SFMBT2: variants seen among roughly 807,000 people sequenced by gnomAD.
SFMBT2 encodes the protein scm-like with four MBT domains protein 2.
SFMBT2 carries 38 observed loss-of-function variants against 110.1 expected under a neutral mutation model. That is an observed-to-expected ratio of 0.35 (90% CI 0.27 to 0.45). The LOEUF (loss-of-function observed/expected upper bound fraction) is 0.45. SFMBT2 is among the 20% of genes least tolerant of loss of function. The pLI is 1.00. For missense variants in SFMBT2, 1,011 were observed against 1,094.9 expected (o/e 0.92, Z 1.08); for synonymous variants, 425 against 425.4 (o/e 1.00, Z 0.01).
At chr10:7,383,837 G>C (rs1255262525) in intron 1 of SFMBT2, among the ~76,000 whole-genome samples, 2 of 152,098 alleles carry the variant, frequency 1.3e-5, no homozygotes, top group African/African-American at 2.4e-5. Flanking sequence ...CTTAAACCAG[G>C]ACTTTCCTGA....
At chr10:7,252,641 A>G (rs962246069) in intron 7 of SFMBT2, among the ~76,000 whole-genome samples, 1 of 152,236 alleles carries the variant, frequency 6.6e-6, no homozygotes, top group Non-Finnish European at 1.5e-5. Flanking sequence ...TAAACAGTTT[A>G]AGAATAATGC....
At chr10:7,248,751 C>A (rs1367633004) in intron 7 of SFMBT2, 102 bp from the exon 8 acceptor site, 2 of 902,532 alleles carry the variant, frequency 2.2e-6, no homozygotes, top group Non-Finnish European at 3.4e-6. Flanking sequence ...CAACCAAAAT[C>A]TTATGGAGAC....
chr10:7,261,813 C>A (rs373619626), intron 7 of SFMBT2, among the ~76,000 whole-genome samples: 2 of 152,160 alleles, frequency 1.3e-5, no homozygotes, highest in South Asian at 4.1e-4. Context: ...ATGGCACTGG[C>A]GACAAAACTG....
chr10:7,377,287 C>A (rs983573729), intron 2 of SFMBT2, among the ~76,000 whole-genome samples: 2 of 151,638 alleles, frequency 1.3e-5, no homozygotes, highest in African/African-American at 4.8e-5. Context: ...TAGTCACTTG[C>A]GAGGGAGACA....
chr10:7,231,704 G>A lies in SFMBT2; in HGVS notation c.1121-3767C>T, dbSNP rs543242034. 2.5e-3 allele frequency among the ~76,000 whole-genome samples: 70 copies of A among 28,458 alleles called. 1 individual carries two copies. The highest frequency in any genetic ancestry group is 4.2e-3 in the East Asian group (4 of 946). 18.7% of individuals were successfully genotyped at this position (28,458 alleles called of 152,430 possible). On this transcript the variant is annotated intron_variant, in intron 9 of 20. Coordinates refer to ENST00000397167, the MANE Select transcript of SFMBT2 (RefSeq NM_001387889.1). ...GTTGTAAGCAACAGTTAATTATTCC[G>A]TCCCTAGAACAATGTTGCTCATTTC...
chr10:7,241,846 A>G (rs1172501628), intron 9 of SFMBT2, among the ~76,000 whole-genome samples: 1 of 152,216 alleles, frequency 6.6e-6, no homozygotes, highest in Non-Finnish European at 1.5e-5. Flanking sequence ...TGGAGTGATC[A>G]AGCAGCCAAA....
rs939467370 is a variant in SFMBT2 at position 7,159,006 on chromosome 10, T to C, written c.*4764A>G. The stretch of plus-strand genomic sequence containing the variant: ...AGCAAGTGAGATGATTATCTTTTTC[T>C]GTCATTTAAAAAAATTTGCCTCAAA... On this transcript the variant is annotated 3_prime_UTR_variant, in exon 21 of 21. Transcript: ENST00000397167. The C allele has an allele frequency of 6.6e-6, 1 of 152,212 alleles. No homozygotes were observed. The highest frequency in any genetic ancestry group is 2.4e-5 in the African/African-American group (1 of 41,440). 9.4% of individuals were successfully genotyped at this position (152,212 alleles called of 1,614,324 possible). A position where few individuals can be genotyped will look rare whatever the true frequency, so the allele number is the denominator to read the frequency against.
chr10:7,214,567 T>C, intron 11 of SFMBT2: 2 of 985,468 alleles, frequency 2.0e-6, no homozygotes, highest in Non-Finnish European at 2.4e-6. Context: ...TTCTACGGAC[T>C]TATGGGATCC....
intron 14 of SFMBT2, chr10:7,197,891 T>C (rs1300668087): frequency 4.6e-6 from 4 of 878,026 alleles, no homozygotes; most frequent in East Asian, 1.2e-4. Flanking sequence ...TCGTTAGAAC[T>C]GTAATTAGGA....
At chr10:7,329,319 T>C (rs1054245884) in intron 4 of SFMBT2, among the ~76,000 whole-genome samples, 3 of 152,244 alleles carry the variant, frequency 2.0e-5, no homozygotes, top group African/African-American at 7.2e-5. Context: ...GCCTCTGTTC[T>C]GGCTCTAGGG....
intron 7 of SFMBT2, among the ~76,000 whole-genome samples, chr10:7,264,379 A>C (rs184968129): frequency 3.9e-5 from 6 of 152,324 alleles, no homozygotes; most frequent in Admixed American, 6.5e-5. Context: ...GTCAAAGACG[A>C]CAGAGACTGT....
rs375682059 is a variant in SFMBT2, at chr10:7,229,866, G to A, written c.1121-1929C>T. Among the ~76,000 whole-genome samples the A allele has an allele frequency of 2.1e-4, 32 of 151,100 alleles. 1 individual carries two copies. The South Asian group carries it at 6.1e-3, about 29-fold the overall frequency. ...CTCCTGAGTAGCTGGGACTACAGGC[G>A]CCCGCCACCATGCCTGGCTAATTTT... On this transcript the variant is annotated intron_variant, in intron 9 of 20. Transcript: ENST00000397167.
At chr10:7,310,843 C>T (rs1416662692) in intron 4 of SFMBT2, among the ~76,000 whole-genome samples, 2 of 151,972 alleles carry the variant, frequency 1.3e-5, no homozygotes, top group Non-Finnish European at 2.9e-5. Context: ...GTCAGGAGTT[C>T]GAGACCAGCC....
At chr10:7,210,353 A>G (rs1839300990) in intron 11 of SFMBT2, among the ~76,000 whole-genome samples, 1 of 152,146 alleles carries the variant, frequency 6.6e-6, no homozygotes, top group Admixed American at 6.5e-5. Context: ...CTCAGAGCGA[A>G]TCACAGGAGA....
chr10:7,310,216 C>T (rs563244305), intron 4 of SFMBT2, among the ~76,000 whole-genome samples: 7 of 152,298 alleles, frequency 4.6e-5, no homozygotes, highest in African/African-American at 1.2e-4. Flanking sequence ...CATGTTGATT[C>T]GGTACACAGA....
At chr10:7,191,251 C>T (rs2762606) in intron 15 of SFMBT2, among the ~76,000 whole-genome samples, 42,350 of 152,142 alleles carry the variant, frequency 0.28, 7,316 homozygotes, top group South Asian at 0.43. Flanking sequence ...TTCTTCAGTC[C>T]TCTCTGGAAC....
intron 1 of SFMBT2, among the ~76,000 whole-genome samples, chr10:7,390,454 TA>T (rs1407824254): frequency 1.3e-5 from 2 of 152,218 alleles, no homozygotes; most frequent in African/African-American, 2.4e-5. Flanking sequence ...AGGTTTTTAT[TA>T]AATCAGCTGC....
chr10:7,327,239 T>C (rs1843415775), intron 4 of SFMBT2, among the ~76,000 whole-genome samples: 1 of 152,180 alleles, frequency 6.6e-6, no homozygotes, highest in Non-Finnish European at 1.5e-5. Context: ...CACAATAAAG[T>C]TGACCTGTCT....
At position 7,277,108 on chromosome 10, in the gene SFMBT2, T is replaced by C. The variant is rs769060512; in HGVS notation, c.773-119A>G. ...CCTCAGCACGGTCAGTGACCGTGAGTGTTCACACCCCATACCCACCATGAG... is the reference window on the plus strand; with the variant it reads ...CCTCAGCACGGTCAGTGACCGTGAGCGTTCACACCCCATACCCACCATGAG... On this transcript the variant is annotated intron_variant, in intron 6 of 20. Transcript: ENST00000397167. The C allele has an allele frequency of 6.0e-4, 400 of 669,018 alleles. 1 individual carries two copies. The highest frequency in any genetic ancestry group is 1.7e-3 in the South Asian group (99 of 59,390). The allele number at this position is 669,018 out of a possible 1,614,324, so 41.4% of individuals were successfully genotyped here.
Sources: allele counts gnomAD v4.1 joint callset (sites outside exome capture counted in the v4.1 genomes callset), GRCh38; gene constraint gnomAD v4.1.1; transcripts MANE v1.5; gene names NCBI Gene and HGNC (gene_info 2026-07-23, HGNC 2026-07-21).